Variants in FHIT observed in about 807,000 individuals in gnomAD.
The protein encoded by FHIT is fragile histidine triad diadenosine triphosphatase.
FHIT carries 19 observed loss-of-function variants against 17.9 expected under a neutral mutation model. The observed-to-expected ratio is 1.06, with a 90% CI of 0.74 to 1.56. The LOEUF (loss-of-function observed/expected upper bound fraction) is 1.56. Ranked by LOEUF, FHIT falls within the 40% of genes most tolerant of loss-of-function variation. The pLI is 0.00. For missense variants in FHIT, 248 were observed against 189.2 expected (o/e 1.31, Z -1.82); for synonymous variants, 81 against 69.7 (o/e 1.16, Z -0.81).
chr3:60,326,681 A>G (rs1709711049), intron 5 of FHIT, among the ~76,000 whole-genome samples: 2 of 152,160 alleles, frequency 1.3e-5, no homozygotes, highest in Non-Finnish European at 2.9e-5. Context: ...ACTGTGTACG[A>G]TATTTAAAAA....
intron 8 of FHIT, among the ~76,000 whole-genome samples, chr3:59,880,593 G>A (rs1441041946): frequency 6.6e-6 from 1 of 152,118 alleles, no homozygotes; most frequent in East Asian, 1.9e-4. Context: ...CAATTTCTAT[G>A]TGCCTCAGGT....
At chr3:60,933,867 A>C (rs1708073738) in intron 3 of FHIT, among the ~76,000 whole-genome samples, 1 of 152,072 alleles carries the variant, frequency 6.6e-6, no homozygotes. Flanking sequence ...GTAAGAATCA[A>C]ATGTTGATTT....
intron 7 of FHIT, among the ~76,000 whole-genome samples, chr3:59,965,753 T>A (rs1024740688): frequency 1.3e-5 from 2 of 152,218 alleles, no homozygotes; most frequent in African/African-American, 4.8e-5. Flanking sequence ...ACTATACATT[T>A]ATATTAGAAT....
intron 5 of FHIT, among the ~76,000 whole-genome samples, chr3:60,204,199 T>C (rs1001609999): frequency 1.3e-5 from 2 of 152,198 alleles, no homozygotes; most frequent in African/African-American, 2.4e-5. Context: ...TCCATTAATA[T>C]ATATACCTAC....
intron 3 of FHIT, among the ~76,000 whole-genome samples, chr3:60,877,304 T>C (rs1385751350): frequency 6.6e-6 from 1 of 152,194 alleles, no homozygotes; most frequent in African/African-American, 2.4e-5. Context: ...ACAGCCAAGC[T>C]GCCAGCAGCT....
chr3:61,127,893 T>C (rs2036656870), intron 2 of FHIT, among the ~76,000 whole-genome samples: 3 of 151,942 alleles, frequency 2.0e-5, no homozygotes. Context: ...AAGAAGAACT[T>C]TGTATTTCCT....
intron 8 of FHIT, among the ~76,000 whole-genome samples, chr3:59,781,731 T>G (rs1224080402): frequency 1.3e-5 from 2 of 152,244 alleles, no homozygotes; most frequent in Non-Finnish European, 2.9e-5. Context: ...TGCTGGGTAT[T>G]GAAACCACGA....
chr3:59,927,251 G>A (rs1705707640), intron 7 of FHIT, among the ~76,000 whole-genome samples: 1 of 152,154 alleles, frequency 6.6e-6, no homozygotes. Flanking sequence ...AAATGAGGCT[G>A]ATTCATAGAG....
intron 7 of FHIT, among the ~76,000 whole-genome samples, chr3:59,971,462 A>G (rs568927567): frequency 2.6e-5 from 4 of 151,946 alleles, no homozygotes; most frequent in Admixed American, 1.3e-4. Context: ...GACACAGCTG[A>G]TAGATAGAAC....
At chr3:60,075,518 A>C (rs2107003559) in intron 5 of FHIT, among the ~76,000 whole-genome samples, 1 of 152,278 alleles carries the variant, frequency 6.6e-6, no homozygotes, top group African/African-American at 2.4e-5. Context: ...GATATTTCTC[A>C]AAGCAATGGT....
chr3:59,871,843 C>G (rs1466667722), intron 8 of FHIT, among the ~76,000 whole-genome samples: 1 of 152,218 alleles, frequency 6.6e-6, no homozygotes, highest in African/African-American at 2.4e-5. Flanking sequence ...CCTCCCAGAA[C>G]AGAAACTAGC....
chr3:60,453,497 T>A (rs1258913747), intron 5 of FHIT, among the ~76,000 whole-genome samples: 4 of 152,072 alleles, frequency 2.6e-5, no homozygotes, highest in African/African-American at 9.7e-5. Flanking sequence ...ATGTGGGAAG[T>A]CAAGGGAGAT....
intron 8 of FHIT, among the ~76,000 whole-genome samples, chr3:59,822,418 T>G (rs1700827352): frequency 6.6e-6 from 1 of 152,068 alleles, no homozygotes; most frequent in Non-Finnish European, 1.5e-5. Flanking sequence ...CCATCAGCAG[T>G]GTAGAGGTGT....
intron 3 of FHIT, among the ~76,000 whole-genome samples, chr3:61,019,843 T>A (rs900159206): frequency 2.6e-5 from 4 of 152,182 alleles, no homozygotes; most frequent in Non-Finnish European, 5.9e-5. Flanking sequence ...CAAGGTAACA[T>A]CTTCATTTAT....
intron 5 of FHIT, among the ~76,000 whole-genome samples, chr3:60,325,005 G>T (rs984181952): frequency 6.6e-6 from 1 of 151,854 alleles, no homozygotes; most frequent in Non-Finnish European, 1.5e-5. Flanking sequence ...GTCACACAAA[G>T]GTGACTGTTT....
chr3:59,897,835 C>G (rs372292046), intron 8 of FHIT, among the ~76,000 whole-genome samples: 1 of 150,978 alleles, frequency 6.6e-6, no homozygotes, highest in South Asian at 2.1e-4. Context: ...GGCGCGATCT[C>G]GGCTCACTGC....
At chr3:60,541,920 G>T (rs189719703) in intron 4 of FHIT, among the ~76,000 whole-genome samples, 24 of 152,276 alleles carry the variant, frequency 1.6e-4, no homozygotes, top group Non-Finnish European at 2.6e-4. Flanking sequence ...CCCATGAAAG[G>T]CTCTTCTTTT....
At chr3:61,130,683 C>T (rs531261605) in intron 2 of FHIT, among the ~76,000 whole-genome samples, 1 of 152,288 alleles carries the variant, frequency 6.6e-6, no homozygotes, top group South Asian at 2.1e-4. Context: ...ACTCAATACA[C>T]AAGAGCTAAA....
At chr3:60,826,515 G>A (rs898805814) in intron 3 of FHIT, among the ~76,000 whole-genome samples, 3 of 152,056 alleles carry the variant, frequency 2.0e-5, no homozygotes, top group Non-Finnish European at 2.9e-5. Flanking sequence ...TAGTAGAGAC[G>A]GGGTTTCTCC....
Sources: allele counts gnomAD v4.1 joint callset (sites outside exome capture counted in the v4.1 genomes callset), GRCh38; gene constraint gnomAD v4.1.1; transcripts MANE v1.5; gene names NCBI Gene and HGNC (gene_info 2026-07-23, HGNC 2026-07-21).